POM121: variants seen among roughly 807,000 people sequenced by gnomAD.
The protein encoded by POM121 is nuclear envelope pore membrane protein POM 121.
In POM121, 32 loss-of-function variants were observed where a neutral mutation model predicts 81.3. The ratio of observed to expected loss-of-function variants is 0.39; its 90% CI spans 0.30 to 0.53. POM121 has a LOEUF of 0.53. Among genes scored for constraint, POM121 ranks in the 20% least tolerant of loss-of-function variants. The pLI is 0.66. For missense variants in POM121, 1,138 were observed against 1,614.6 expected (o/e 0.70, Z 5.06); for synonymous variants, 514 against 694.2 (o/e 0.74, Z 4.08).
At chr7:72,901,521 A>G (rs1554492670) in intron 3 of POM121, among the ~76,000 whole-genome samples, 3 of 151,486 alleles carry the variant, frequency 2.0e-5, no homozygotes, top group African/African-American at 7.3e-5. Context: ...TGCCTGGCTA[A>G]TTTTTGTCTT....
At position 72,945,630 on chromosome 7, in the gene POM121, G is replaced by T. The variant is rs143799386; in HGVS notation, c.3574G>T (p.Val1192Leu). The T allele has an allele frequency of 5.6e-4, 907 of 1,613,418 alleles. 6 individuals are homozygous for T. Among genetic ancestry groups the T allele is most frequent in the Non-Finnish European group, 6.9e-4 (812 of 1,179,656 alleles). The change falls in exon 12 of 13, where the codon GTG becomes TTG. Residue 1192 changes from valine (V) to leucine (L), a missense_variant. Val to Leu is a conservative substitution (Grantham distance 32). Around this residue, in one of 7 missense-constraint regions of POM121, gnomAD observed 336 missense variants for 344.3 expected, o/e 0.98. Coordinates refer to ENST00000434423, the MANE Select transcript of POM121 (RefSeq NM_001387691.1). ...TFGLNTPAPGVGTSGSSLSFG... is the reference protein window; with the variant it reads ...TFGLNTPAPGLGTSGSSLSFG... The stretch of plus-strand genomic sequence containing the variant: ...TGGTCTGAACACCCCTGCGCCTGGA[G>T]TGGGCACATCAGGCAGCAGCCTCTC...
intron 1 of POM121, among the ~76,000 whole-genome samples, chr7:72,883,308 T>G (rs1321939077): frequency 1.3e-5 from 2 of 152,228 alleles, no homozygotes; most frequent in Admixed American, 1.3e-4. Context: ...AGTGCTAGGA[T>G]TACAGGCGTG....
chr7:72,884,773 T>A (rs868920062), intron 1 of POM121, among the ~76,000 whole-genome samples: 1,525 of 52,636 alleles, frequency 0.029, 9 homozygotes, highest in African/African-American at 0.084. Context: ...ATATATATAT[T>A]TTTTTTCTGA....
At chr7:72,949,181 T>C (rs1288295384), downstream of POM121, 7 of 1,243,536 alleles carry the variant, frequency 5.6e-6, no homozygotes, top group South Asian at 2.5e-5. Flanking sequence ...AATCCTCGCT[T>C]CACAGAGGAG....
At chr7:72,903,570 CAA>C (rs1458100484) in intron 3 of POM121, among the ~76,000 whole-genome samples, 4 of 152,168 alleles carry the variant, frequency 2.6e-5, no homozygotes, top group African/African-American at 9.6e-5. Context: ...ACCATTTTTG[CAA>C]AGTTTGTCTT....
chr7:72,894,924 C>G (rs1169171728), intron 3 of POM121, among the ~76,000 whole-genome samples: 1 of 152,190 alleles, frequency 6.6e-6, no homozygotes, highest in African/African-American at 2.4e-5. Context: ...AACTCCTGGG[C>G]TCGAGCAACC....
chr7:72,911,273 C>T (rs1178835275), intron 3 of POM121, among the ~76,000 whole-genome samples: 6 of 152,216 alleles, frequency 3.9e-5, no homozygotes, highest in African/African-American at 9.6e-5. Context: ...CATGAGCCAC[C>T]GTGCCCAGCT....
intron 3 of POM121, among the ~76,000 whole-genome samples, chr7:72,908,596 G>A (rs570054695): frequency 2.7e-3 from 412 of 152,256 alleles, no homozygotes; most frequent in Non-Finnish European, 4.6e-3. Flanking sequence ...ATATGCCTGG[G>A]AGTGCTATGG....
intron 12 of POM121, 104 bp from the exon 13 acceptor site, chr7:72,946,033 C>T: frequency 2.7e-6 from 4 of 1,495,958 alleles, no homozygotes; most frequent in Non-Finnish European, 3.6e-6. Context: ...CCTATTGAGG[C>T]ACCCTGTGTT....
chr7:72,940,079 T>G, intron 8 of POM121, 111 bp downstream of exon 8: 2 of 1,433,060 alleles, frequency 1.4e-6, no homozygotes, highest in Non-Finnish European at 1.8e-6. Flanking sequence ...TTTGTTTTTG[T>G]TTTTTGAGAC....
Position 72,947,174 on chromosome 7 carries a change from C to G in POM121, c.*940C>G, listed in dbSNP as rs1797750966. Reference sequence around the variant, plus strand: ...ATGAGTGGCGGCATGTTGGTAGTGCCGGACTTCCTGTTTCAAGTTTTCTGG... The same window carrying G: ...ATGAGTGGCGGCATGTTGGTAGTGCGGGACTTCCTGTTTCAAGTTTTCTGG... On this transcript the variant is annotated 3_prime_UTR_variant, in exon 13 of 13. Coordinates refer to ENST00000434423, the MANE Select transcript of POM121 (RefSeq NM_001387691.1). The G allele has an allele frequency of 3.6e-6, 1 of 275,490 alleles. No individual in the cohort carries two copies. The highest frequency in any genetic ancestry group is 4.7e-6 in the Non-Finnish European group (1 of 211,548). The allele number at this position is 275,490 out of a possible 1,614,324, so 17.1% of individuals were successfully genotyped here.
At position 72,926,834 on chromosome 7, in the gene POM121, C is replaced by T. The variant is rs782577901; in HGVS notation, c.893C>T (p.Ser298Leu). Residue 298 changes from serine to leucine, a missense_variant, in exon 3 of 13, where the codon TCA becomes TTA. Physicochemically the swap from Ser to Leu is moderately radical, Grantham distance 145. Transcript: ENST00000434423. Reference protein sequence around the residue: ...PEQIISSTLSSPSSNAPDPCA... With the variant: ...PEQIISSTLSLPSSNAPDPCA... ...CAGATAATCAGCTCAACACTGTCCT[C>T]ACCATCAAGTAACGCCCCAGACCCA... 2 of 1,613,988 alleles carry T rather than the reference C, an allele frequency of 1.2e-6. No individual in the cohort carries two copies. The highest frequency in any genetic ancestry group is 1.7e-6 in the Non-Finnish European group (2 of 1,179,876).
At chr7:72,899,686 C>T (rs1586090496) in intron 3 of POM121, among the ~76,000 whole-genome samples, 2 of 150,350 alleles carry the variant, frequency 1.3e-5, no homozygotes, top group Admixed American at 1.3e-4. Flanking sequence ...TCACACCATT[C>T]TCCTGCCTCA....
chr7:72,925,175 G>T lies in POM121; in HGVS notation c.54G>T (p.Ala18=). The T allele has an allele frequency of 8.6e-6, 13 of 1,505,696 alleles. No homozygotes were observed. Among genetic ancestry groups the T allele is most frequent in the African/African-American group, 1.4e-5 (1 of 69,250 alleles). 93.3% of individuals were successfully genotyped at this position (1,505,696 alleles called of 1,614,324 possible). A position where few individuals can be genotyped will look rare whatever the true frequency, so the allele number is the denominator to read the frequency against. Residue 18 remains alanine, a synonymous_variant, in exon 1 of 13, where the codon GCG becomes GCT. Transcript: ENST00000434423. The part of the protein sequence containing the change: ...AGAGERRRPI[A]SVRDGRGRGC... ...CAGGCGAGCGGCGGCGGCCCATAGC[G>T]AGTGTCAGGGACGGCCGGGGCCGGG...
intron 3 of POM121, among the ~76,000 whole-genome samples, chr7:72,894,626 GGAGAGAGAGAGAGAGAGAGAGAGA>G (rs71071923): frequency 4.3e-5 from 1 of 23,324 alleles, no homozygotes; most frequent in Non-Finnish European, 1.0e-4. Context: ...GAGAGAGAGA[GGAGAGAGAGAGAGAGAGAGAGAGA>G]GAGAGAGAGA....
chr7:72,914,658 G>T (rs1242710763), intron 4 of POM121, among the ~76,000 whole-genome samples: 1 of 152,118 alleles, frequency 6.6e-6, no homozygotes, highest in African/African-American at 2.4e-5. Flanking sequence ...ACAGGCGTGA[G>T]CCACCATGCC....
chr7:72,909,560 G>T (rs1326961188), intron 3 of POM121, among the ~76,000 whole-genome samples: 1 of 152,192 alleles, frequency 6.6e-6, no homozygotes, highest in African/African-American at 2.4e-5. Context: ...GGCCAGCAGG[G>T]CTCTGGTTCT....
chr7:72,903,063 T>G (rs1389731374), intron 3 of POM121, among the ~76,000 whole-genome samples: 1 of 152,204 alleles, frequency 6.6e-6, no homozygotes, highest in Non-Finnish European at 1.5e-5. Flanking sequence ...TTGTAATTTT[T>G]TTTTGAAAAT....
chr7:72,924,965 GC>G, upstream of POM121: 1 of 1,254,682 alleles, frequency 8.0e-7, no homozygotes, highest in South Asian at 2.2e-5. Context: ...GGCGTTAAAG[GC>G]AGGCGGCATT....
Sources: allele counts gnomAD v4.1 joint callset (sites outside exome capture counted in the v4.1 genomes callset), GRCh38; gene constraint gnomAD v4.1.1; regional missense constraint gnomAD v4.1.1; transcripts MANE v1.5; gene names NCBI Gene and HGNC (gene_info 2026-07-23, HGNC 2026-07-21).